ADK: variants seen among roughly 807,000 people sequenced by gnomAD.
The protein encoded by ADK is N6,N6-dimethyladenosine kinase.
In ADK, 24 loss-of-function variants were observed where a neutral mutation model predicts 44.7. The ratio of observed to expected loss-of-function variants is 0.54; its 90% CI spans 0.39 to 0.76. The LOEUF is 0.76. Ranked by LOEUF, ADK falls within the 30% of genes least tolerant of loss-of-function variation. ADK has a pLI of 0.00. For synonymous variants in ADK, 128 were observed against 142.6 expected, an observed-to-expected ratio of 0.90 and a Z score of 0.73; for missense variants, 321 against 425.1, an observed-to-expected ratio of 0.76 and a Z score of 2.15.
chr10:74,358,701 T>A (rs1842222971), intron 4 of ADK, among the ~76,000 whole-genome samples: 1 of 152,238 alleles, frequency 6.6e-6, no homozygotes, highest in African/African-American at 2.4e-5. Context: ...ATTAGAATTT[T>A]AAATAAGCTA....
chr10:74,243,383 C>T (rs948217758), intron 3 of ADK, among the ~76,000 whole-genome samples: 2 of 152,204 alleles, frequency 1.3e-5, no homozygotes, highest in African/African-American at 4.8e-5. Flanking sequence ...AATCCTGCAT[C>T]ACTGATATGA....
At chr10:74,695,530 A>G (rs1049379861) in intron 10 of ADK, among the ~76,000 whole-genome samples, 2 of 150,340 alleles carry the variant, frequency 1.3e-5, no homozygotes, top group African/African-American at 2.5e-5. Context: ...GTATATGTAT[A>G]TATGTATGTA....
At chr10:74,420,449 G>A (rs920280472) in intron 6 of ADK, among the ~76,000 whole-genome samples, 2 of 151,990 alleles carry the variant, frequency 1.3e-5, no homozygotes, top group African/African-American at 4.8e-5. Context: ...TAGACTGTAA[G>A]GTAGTTTTCT....
chr10:74,211,210 T>C (rs933048478), intron 2 of ADK, among the ~76,000 whole-genome samples: 6 of 152,142 alleles, frequency 3.9e-5, no homozygotes, highest in African/African-American at 1.4e-4. Flanking sequence ...TATAAAGCTA[T>C]TGCCATATTT....
chr10:74,303,588 G>GTTGTTGTTTTT (rs1840139803), intron 3 of ADK, among the ~76,000 whole-genome samples: 3 of 68,576 alleles, frequency 4.4e-5, no homozygotes, highest in African/African-American at 2.4e-4. Context: ...TTTTAATGTT[G>GTTGTTGTTTTT]TTTTTTTTTT....
Position 74,372,113 on chromosome 10 carries a change from C to T in ADK, c.274-22028C>T, listed in dbSNP as rs1592115976. 6.7e-6 allele frequency: 5 copies of T among 750,102 alleles called. No individual in the cohort carries two copies. In the East Asian group the frequency reaches 1.2e-4, roughly 18 times the overall value. 46.5% of individuals were successfully genotyped at this position (750,102 alleles called of 1,614,324 possible). ...CGTGTGGCACCATTTCCCATGAACA[C>T]CCATGGGAATTCATGCCTGATCTCT... On this transcript the variant is annotated intron_variant, in intron 4 of 10. Coordinates refer to ENST00000539909, the MANE Select transcript of ADK (RefSeq NM_006721.4).
intron 7 of ADK, among the ~76,000 whole-genome samples, chr10:74,581,001 CTCAG>C (rs1409327448): frequency 2.0e-5 from 3 of 147,390 alleles, no homozygotes; most frequent in Non-Finnish European, 3.0e-5. Flanking sequence ...AAGACCCTAT[CTCAG>C]TCAATCAATA....
chr10:74,326,572 C>T (rs1025190016), intron 4 of ADK, among the ~76,000 whole-genome samples: 1 of 152,066 alleles, frequency 6.6e-6, no homozygotes, highest in African/African-American at 2.4e-5. Flanking sequence ...GATCATGCCA[C>T]TGTACTCCAG....
At chr10:74,212,351 T>A (rs937130051) in intron 2 of ADK, among the ~76,000 whole-genome samples, 9 of 152,274 alleles carry the variant, frequency 5.9e-5, no homozygotes, top group Non-Finnish European at 1.5e-5. Flanking sequence ...TTATGGTTAC[T>A]CTTTTGCCAA....
intron 10 of ADK, among the ~76,000 whole-genome samples, chr10:74,690,055 G>A (rs11001111): frequency 0.37 from 56,587 of 152,098 alleles, 13,124 homozygotes; most frequent in Non-Finnish European, 0.52. Flanking sequence ...GAATTTTACA[G>A]TAGATTCCCA....
intron 7 of ADK, among the ~76,000 whole-genome samples, chr10:74,548,325 A>G (rs2133765813): frequency 6.6e-6 from 1 of 152,334 alleles, no homozygotes; most frequent in South Asian, 2.1e-4. Context: ...CAACAAAACA[A>G]AAATCCTACA....
In ADK at chr10:74,220,443, A is replaced by G. The variant is rs548745411; in HGVS notation, c.141-4095A>G. On this transcript the variant is annotated intron_variant, in intron 2 of 10. Coordinates refer to ENST00000539909, the MANE Select transcript of ADK (RefSeq NM_006721.4). ...CACAGCCGAATTCTACCAGAGGTAC[A>G]AGGAGGAACTGGTACCATTCCTTCT... 1.5e-4 allele frequency among the ~76,000 whole-genome samples: 23 copies of G among 152,204 alleles called. No individual in the cohort carries two copies. The East Asian group carries it at 3.9e-3, about 26-fold the overall frequency.
chr10:74,372,766 C>A (rs1213764458), intron 4 of ADK, among the ~76,000 whole-genome samples: 1 of 152,090 alleles, frequency 6.6e-6, no homozygotes, highest in African/African-American at 2.4e-5. Context: ...TTTAGGATGG[C>A]AGTTCTCCCC....
intron 7 of ADK, among the ~76,000 whole-genome samples, chr10:74,539,609 G>C (rs186676709): frequency 6.6e-6 from 1 of 152,068 alleles, no homozygotes; most frequent in East Asian, 1.9e-4. Flanking sequence ...TGATAAGAGG[G>C]GCTATGTAGA....
intron 3 of ADK, among the ~76,000 whole-genome samples, chr10:74,235,611 A>G (rs376496696): frequency 6.6e-6 from 1 of 152,132 alleles, no homozygotes; most frequent in African/African-American, 2.4e-5. Context: ...GCTCACATAT[A>G]TGAGTTCTAT....
At chr10:74,492,489 A>G (rs1340147921) in intron 6 of ADK, among the ~76,000 whole-genome samples, 2 of 152,172 alleles carry the variant, frequency 1.3e-5, no homozygotes, top group African/African-American at 2.4e-5. Flanking sequence ...GAATAAGCTC[A>G]TGGACTGTTA....
intron 7 of ADK, among the ~76,000 whole-genome samples, chr10:74,578,691 G>T (rs1249033713): frequency 6.6e-6 from 1 of 151,098 alleles, no homozygotes; most frequent in Non-Finnish European, 1.5e-5. Context: ...GAGGACCAGG[G>T]AAAAAAAAGT....
At chr10:74,685,110 A>T (rs542271469) in intron 10 of ADK, among the ~76,000 whole-genome samples, 1 of 152,332 alleles carries the variant, frequency 6.6e-6, no homozygotes, top group South Asian at 2.1e-4. Flanking sequence ...AACAAATCAC[A>T]GTTGAAAAAA....
At chr10:74,356,932 C>T (rs947885611) in intron 4 of ADK, among the ~76,000 whole-genome samples, 9 of 152,066 alleles carry the variant, frequency 5.9e-5, no homozygotes, top group African/African-American at 2.2e-4. Flanking sequence ...AATAAAAGAC[C>T]TTCTCTTCCC....
Sources: allele counts gnomAD v4.1 joint callset (sites outside exome capture counted in the v4.1 genomes callset), GRCh38; gene constraint gnomAD v4.1.1; transcripts MANE v1.5; gene names NCBI Gene and HGNC (gene_info 2026-07-23, HGNC 2026-07-21).